The following ZFHX3 variants were observed in gnomAD, a reference collection of about 807,000 sequenced individuals.
The protein encoded by ZFHX3 is zinc finger homeobox 3.
A neutral mutation model predicts 279.1 loss-of-function variants in ZFHX3; 42 were observed. The observed-to-expected ratio is 0.15, with a 90% CI of 0.12 to 0.19. The LOEUF (loss-of-function observed/expected upper bound fraction) is 0.19, where lower values mean the gene tolerates loss of function less well. ZFHX3 is among the 10% of genes least tolerant of loss of function. The probability of loss-of-function intolerance (pLI) is 1.00; values close to 1 mark genes in which losing one functional copy is unlikely to be tolerated. For missense variants in ZFHX3, 4,981 were observed against 4,754.0 expected (o/e 1.05, Z -1.40); for synonymous variants, 2,293 against 1,957.8 (o/e 1.17, Z -4.52).
At position 73,414,920 on chromosome 16, in the gene ZFHX3, G is replaced by T. The variant is rs570682439; in HGVS notation, c.-1291+41083C>A. 5.6e-4 allele frequency among the ~76,000 whole-genome samples: 85 copies of T among 152,206 alleles called. 1 individual carries two copies. Among genetic ancestry groups the T allele is most frequent in the Non-Finnish European group, 7.2e-4 (49 of 68,030 alleles). The stretch of plus-strand genomic sequence containing the variant: ...AGCAGAGGTGAGAACAGACTAGCTA[G>T]GAAAGGAGTTTCACAAGAACTGGCT... On this transcript the variant is annotated intron_variant, in intron 3 of 17. Coordinates refer to the ZFHX3 transcript ENST00000641206.
intron 4 of ZFHX3, among the ~76,000 whole-genome samples, chr16:72,875,065 TCA>T (rs1399589320): frequency 6.6e-6 from 1 of 152,122 alleles, no homozygotes; most frequent in Non-Finnish European, 1.5e-5. Flanking sequence ...ATCAAGAAGC[TCA>T]CAGAGAATGA....
intron 1 of ZFHX3, among the ~76,000 whole-genome samples, chr16:73,863,790 T>C (rs1176912059): frequency 6.6e-6 from 1 of 152,332 alleles, no homozygotes; most frequent in East Asian, 1.9e-4. Flanking sequence ...CAGGAAGAGC[T>C]CAATAGATGT....
At chr16:73,677,056 C>T (rs913732294) in intron 2 of ZFHX3, among the ~76,000 whole-genome samples, 4 of 151,948 alleles carry the variant, frequency 2.6e-5, no homozygotes, top group African/African-American at 4.8e-5. Context: ...TACAGTGGAG[C>T]TTTATAATTA....
At chr16:73,001,835 G>A (rs540354498) in intron 1 of ZFHX3, among the ~76,000 whole-genome samples, 2 of 151,958 alleles carry the variant, frequency 1.3e-5, no homozygotes, top group African/African-American at 4.8e-5. Context: ...AAAAGGGGGG[G>A]AAAGAAAAGA....
chr16:73,059,809 A>G (rs887357978), upstream of ZFHX3: 7 of 152,126 alleles, frequency 4.6e-5, no homozygotes, highest in African/African-American at 7.2e-5. Flanking sequence ...GACAAAAAAT[A>G]TATGTTAATT....
intron 9 of ZFHX3, chr16:72,789,520 G>C (rs938304134): frequency 1.3e-5 from 2 of 152,318 alleles, no homozygotes; most frequent in African/African-American, 2.4e-5. Context: ...GAGAACGAAG[G>C]CAAGAAAGCT....
intron 1 of ZFHX3, among the ~76,000 whole-genome samples, chr16:73,887,854 A>T (rs2030399068): frequency 6.6e-6 from 1 of 151,650 alleles, no homozygotes; most frequent in African/African-American, 2.4e-5. Context: ...TAAAATCTGA[A>T]TTTTTTTTAA....
intron 1 of ZFHX3, among the ~76,000 whole-genome samples, chr16:73,823,042 G>A (rs1269082143): frequency 2.0e-5 from 3 of 152,166 alleles, no homozygotes; most frequent in Non-Finnish European, 2.9e-5. Context: ...CCGAATCCCT[G>A]CCCTTATGGA....
At chr16:73,424,397 G>T (rs1407226245) in intron 3 of ZFHX3, among the ~76,000 whole-genome samples, 1 of 152,092 alleles carries the variant, frequency 6.6e-6, no homozygotes, top group Non-Finnish European at 1.5e-5. Context: ...TCTTCCAGGG[G>T]CTTCTGGTAG....
At chr16:73,110,201 CAA>C (rs879747443) in intron 7 of ZFHX3, among the ~76,000 whole-genome samples, 7 of 129,060 alleles carry the variant, frequency 5.4e-5, no homozygotes, top group Non-Finnish European at 3.3e-5. Context: ...GAGACTGTCT[CAA>C]AAAAAAAAAA....
At chr16:73,012,544 A>G (rs530851696) in intron 1 of ZFHX3, among the ~76,000 whole-genome samples, 1 of 152,316 alleles carries the variant, frequency 6.6e-6, no homozygotes, top group African/African-American at 2.4e-5. Context: ...CCGGTGCCCA[A>G]CGGTGGCTAC....
At chr16:73,028,736 G>A (rs1964597301) in intron 1 of ZFHX3, among the ~76,000 whole-genome samples, 1 of 152,128 alleles carries the variant, frequency 6.6e-6, no homozygotes. Context: ...CCTGGGAAAG[G>A]GGGCAGTGGG....
chr16:73,084,226 G>C (rs1965982025), intron 8 of ZFHX3, among the ~76,000 whole-genome samples: 1 of 152,142 alleles, frequency 6.6e-6, no homozygotes, highest in African/African-American at 2.4e-5. Flanking sequence ...TCTTGACAAA[G>C]TTGAAGTCCT....
chr16:73,876,132 T>C (rs2029938878), intron 1 of ZFHX3, among the ~76,000 whole-genome samples: 1 of 152,214 alleles, frequency 6.6e-6, no homozygotes, highest in East Asian at 1.9e-4. Flanking sequence ...TCCCAATCCC[T>C]GCATGCGTGA....
intron 3 of ZFHX3, among the ~76,000 whole-genome samples, chr16:73,384,223 C>T (rs1008438781): frequency 1.3e-5 from 2 of 152,334 alleles, no homozygotes; most frequent in South Asian, 4.1e-4. Flanking sequence ...CACTGCCACA[C>T]CCCTGTGTTT....
chr16:72,870,034 T>C (rs374730700), intron 4 of ZFHX3, among the ~76,000 whole-genome samples: 1 of 152,068 alleles, frequency 6.6e-6, no homozygotes, highest in East Asian at 1.9e-4. Context: ...TGAAGGATAC[T>C]TGACAAAACA....
intron 2 of ZFHX3, among the ~76,000 whole-genome samples, chr16:73,560,072 G>T (rs1457393830): frequency 6.6e-6 from 1 of 152,182 alleles, no homozygotes; most frequent in Non-Finnish European, 1.5e-5. Context: ...AAAAACCCCA[G>T]TGCCTGATGA....
At chr16:73,475,072 T>C (rs1232376710) in intron 2 of ZFHX3, among the ~76,000 whole-genome samples, 1 of 152,200 alleles carries the variant, frequency 6.6e-6, no homozygotes, top group Non-Finnish European at 1.5e-5. Flanking sequence ...CTGCCTTCCC[T>C]CTGCTCTCTG....
chr16:72,889,363 A>C (rs1389972189), intron 4 of ZFHX3, among the ~76,000 whole-genome samples: 1 of 152,042 alleles, frequency 6.6e-6, no homozygotes, highest in Admixed American at 6.5e-5. Context: ...ATTGAATCTA[A>C]AGTATGTACT....
Sources: allele counts gnomAD v4.1 joint callset (sites outside exome capture counted in the v4.1 genomes callset), GRCh38; gene constraint gnomAD v4.1.1; transcripts MANE v1.5; gene names NCBI Gene and HGNC (gene_info 2026-07-23, HGNC 2026-07-21).